SLC38A1: variants seen among roughly 807,000 people sequenced by gnomAD.
SLC38A1 encodes sodium-coupled neutral amino acid symporter 1.
SLC38A1 carries 18 observed loss-of-function variants against 60.3 expected under a neutral mutation model. The ratio of observed to expected loss-of-function variants is 0.30; its 90% confidence interval spans 0.21 to 0.44. The LOEUF (loss-of-function observed/expected upper bound fraction) is 0.44. Ranked by LOEUF, SLC38A1 falls within the 20% of genes least tolerant of loss-of-function variation. SLC38A1 has a pLI of 1.00. For missense variants in SLC38A1, 448 were observed against 587.2 expected, an observed-to-expected ratio of 0.76 and a Z score of 2.45; for synonymous variants, 196 against 212.1, an observed-to-expected ratio of 0.92 and a Z score of 0.66.
At chr12:46,259,587 C>A (rs956364984) in intron 1 of SLC38A1, among the ~76,000 whole-genome samples, 3 of 152,118 alleles carry the variant, frequency 2.0e-5, no homozygotes, top group Non-Finnish European at 4.4e-5. Flanking sequence ...TAAAGCCGAT[C>A]ATCAAAATCT....
intron 16 of SLC38A1, among the ~76,000 whole-genome samples, chr12:46,195,227 G>A (rs1389879550): frequency 1.3e-5 from 2 of 152,180 alleles, no homozygotes; most frequent in South Asian, 2.1e-4. Context: ...TTTGCTGGAG[G>A]TCCACTCCAG....
intron 3 of SLC38A1, among the ~76,000 whole-genome samples, chr12:46,232,869 T>C (rs1348629141): frequency 6.6e-6 from 1 of 152,244 alleles, no homozygotes; most frequent in African/African-American, 2.4e-5. Context: ...AAATAGTTGT[T>C]ATACTATATT....
intron 5 of SLC38A1, among the ~76,000 whole-genome samples, chr12:46,228,802 AGTG>A (rs753572241): frequency 1.3e-5 from 2 of 152,212 alleles, no homozygotes; most frequent in Non-Finnish European, 2.9e-5. Context: ...CAAATGCCAA[AGTG>A]GTGACTGGCT....
At chr12:46,253,331 A>G (rs1941918715) in intron 1 of SLC38A1, among the ~76,000 whole-genome samples, 1 of 152,254 alleles carries the variant, frequency 6.6e-6, no homozygotes, top group Non-Finnish European at 1.5e-5. Context: ...AAGGAATAAA[A>G]GAATGGCTAC....
At chr12:46,194,780 G>A (rs1939292036) in intron 16 of SLC38A1, among the ~76,000 whole-genome samples, 1 of 152,076 alleles carries the variant, frequency 6.6e-6, no homozygotes, top group South Asian at 2.1e-4. Context: ...AGCTTCATCA[G>A]GTCATTTGAG....
In SLC38A1 at chr12:46,268,051, C is replaced by T. The variant is rs1017646283; in HGVS notation, c.-209+475G>A. ...CCCAGCCGGCCGCACGCAGCACCCC[C>T]CGGACATCACACGATCTCCTCTGGG... On this transcript the variant is annotated intron_variant, in intron 1 of 16. Coordinates refer to ENST00000398637, the MANE Select transcript of SLC38A1 (RefSeq NM_030674.4). This position sits in a 1 kb window ranked among gnomAD's most constrained non-coding sequence, Gnocchi z 4.4. Among the ~76,000 whole-genome samples, 1 of 152,194 alleles carries T rather than the reference C, an allele frequency of 6.6e-6. No individual in the cohort carries two copies. The highest frequency in any genetic ancestry group is 1.5e-5 in the Non-Finnish European group (1 of 68,036).
rs150828762 is a variant in SLC38A1 at position 46,193,556 on chromosome 12, G to A, written c.1362+4164C>T. ...TGTTAAAATCTCCCATTATTATTGT[G>A]TGGGAGTCTAAGTCTCTTCGTAGGT... On this transcript the variant is annotated intron_variant, in intron 16 of 16. Transcript: ENST00000398637. Among the ~76,000 whole-genome samples the A allele has an allele frequency of 7.8e-3, 1,192 of 152,280 alleles. 31 individuals carry two copies. The South Asian group carries it at 0.08, about 10-fold the overall frequency.
At chr12:46,252,159 TA>T (rs1218504071) in intron 1 of SLC38A1, among the ~76,000 whole-genome samples, 2 of 152,104 alleles carry the variant, frequency 1.3e-5, no homozygotes, top group East Asian at 3.9e-4. Context: ...TATGCAGCCA[TA>T]AAAAAGGATG....
At chr12:46,226,183 A>G (rs193213026) in intron 5 of SLC38A1, among the ~76,000 whole-genome samples, 1 of 152,262 alleles carries the variant, frequency 6.6e-6, no homozygotes, top group East Asian at 1.9e-4. Context: ...AATAGCTGAG[A>G]TTTGCTTCAA....
chr12:46,229,503 A>C (rs1592118754), intron 4 of SLC38A1, 61 bp downstream of exon 4: 2 of 1,317,924 alleles, frequency 1.5e-6, no homozygotes, highest in East Asian at 4.6e-5. Flanking sequence ...TTGAATTAAA[A>C]AGATTTGTCC....
chr12:46,255,560 C>T (rs1275630516), intron 1 of SLC38A1, among the ~76,000 whole-genome samples: 1 of 152,218 alleles, frequency 6.6e-6, no homozygotes, highest in Non-Finnish European at 1.5e-5. Flanking sequence ...AATCCACATT[C>T]CCATACCTTC....
At chr12:46,259,895 C>T (rs1386466809) in intron 1 of SLC38A1, among the ~76,000 whole-genome samples, 2 of 152,138 alleles carry the variant, frequency 1.3e-5, no homozygotes, top group African/African-American at 4.8e-5. Context: ...TGCTAGCAGT[C>T]TCTAAACTAC....
chr12:46,217,001 A>G (rs1482572152), intron 5 of SLC38A1, among the ~76,000 whole-genome samples: 2 of 152,238 alleles, frequency 1.3e-5, no homozygotes, highest in Non-Finnish European at 2.9e-5. Flanking sequence ...ATGATCTTTT[A>G]TATGAAAATG....
intron 1 of SLC38A1, among the ~76,000 whole-genome samples, chr12:46,249,881 A>T (rs754001696): frequency 1.3e-5 from 2 of 152,220 alleles, no homozygotes; most frequent in African/African-American, 2.4e-5. Flanking sequence ...AGGACCAGAC[A>T]GATTCACAGA....
At chr12:46,204,780 C>T (rs557212254) in intron 9 of SLC38A1, among the ~76,000 whole-genome samples, 190 bp from the exon 10 acceptor site, 7 of 152,130 alleles carry the variant, frequency 4.6e-5, no homozygotes, top group Non-Finnish European at 8.8e-5. Flanking sequence ...TATTATTTGA[C>T]AGTGCTACTT....
rs1235566870 is a variant in SLC38A1, at chr12:46,198,709, C to G, written c.1038G>C (p.Gln346His). ...NVQSDLLHKY[Q>H]SKDDILILTV... is the part of the protein sequence containing the mutation. Reference sequence around the variant, plus strand: ...TCAGGATGAGAATGTCATCTTTACTCTGATATTTGTGAAGGAGGTCGGACT... The same window carrying G: ...TCAGGATGAGAATGTCATCTTTACTGTGATATTTGTGAAGGAGGTCGGACT... Residue 346 changes from glutamine to histidine, a missense_variant, in exon 14 of 17, where the codon CAG becomes CAC. Physicochemically the swap from Gln to His is conservative, Grantham distance 24. Around this residue, in one of 2 missense-constraint regions of SLC38A1, gnomAD observed 346 missense variants for 497.5 expected, o/e 0.70. Coordinates refer to ENST00000398637, the MANE Select transcript of SLC38A1 (RefSeq NM_030674.4). The G allele has an allele frequency of 6.2e-7, 1 of 1,612,798 alleles. No individual in the cohort carries two copies. The highest frequency in any genetic ancestry group is 1.3e-5 in the African/African-American group (1 of 74,810).
intron 5 of SLC38A1, among the ~76,000 whole-genome samples, chr12:46,210,415 A>C (rs1044350961): frequency 6.6e-6 from 1 of 152,194 alleles, no homozygotes; most frequent in Admixed American, 6.5e-5. Context: ...CAGACCTAAC[A>C]CTTTGGGTAG....
At chr12:46,205,876 T>G (rs953459423) in intron 9 of SLC38A1, among the ~76,000 whole-genome samples, 1 of 152,118 alleles carries the variant, frequency 6.6e-6, no homozygotes, top group Non-Finnish European at 1.5e-5. Context: ...CACAGCTCAG[T>G]AGAGGGATTG....
intron 1 of SLC38A1, among the ~76,000 whole-genome samples, chr12:46,258,190 A>T (rs1429459817): frequency 6.6e-6 from 1 of 152,136 alleles, no homozygotes; most frequent in African/African-American, 2.4e-5. Context: ...CTGTTTTATC[A>T]TTAAGGTCTT....
Sources: allele counts gnomAD v4.1 joint callset (sites outside exome capture counted in the v4.1 genomes callset), GRCh38; gene constraint gnomAD v4.1.1; regional missense constraint gnomAD v4.1.1; non-coding constraint Gnocchi (gnomAD v3.1); transcripts MANE v1.5; gene names NCBI Gene and HGNC (gene_info 2026-07-23, HGNC 2026-07-21).